Variants in SGCZ observed in about 807,000 individuals in gnomAD.
SGCZ encodes the protein sarcoglycan zeta.
SGCZ carries 40 observed loss-of-function variants against 41.3 expected under a neutral mutation model. That is an observed-to-expected ratio of 0.97 (90% confidence interval 0.75 to 1.26). The LOEUF (loss-of-function observed/expected upper bound fraction) is 1.26, where lower values mean the gene tolerates loss of function less well. Among genes scored for constraint, SGCZ ranks in the 50% most tolerant of loss-of-function variants. SGCZ has a pLI of 0.00. For synonymous variants in SGCZ, 206 were observed against 137.5 expected (o/e 1.50, Z -3.49); for missense variants, 552 against 369.8 (o/e 1.49, Z -4.04).
chr8:15,098,991 G>A (rs1042381686), intron 1 of SGCZ, among the ~76,000 whole-genome samples: 3 of 152,176 alleles, frequency 2.0e-5, no homozygotes, highest in Admixed American at 2.0e-4. Context: ...CTGGGAGACG[G>A]AGGTTGTACT....
intron 3 of SGCZ, among the ~76,000 whole-genome samples, chr8:14,284,637 C>A (rs1050371463): frequency 6.6e-6 from 1 of 151,992 alleles, no homozygotes; most frequent in Non-Finnish European, 1.5e-5. Flanking sequence ...AAGTTTAAGC[C>A]TGTCTTCTTA....
chr8:15,082,430 G>A (rs1192403595), intron 1 of SGCZ, among the ~76,000 whole-genome samples: 1 of 113,108 alleles, frequency 8.8e-6, no homozygotes, highest in South Asian at 2.8e-4. Context: ...ATATGTGTGT[G>A]TGTATATCTC....
chr8:15,004,376 T>C (rs549577951), intron 1 of SGCZ, among the ~76,000 whole-genome samples: 1 of 152,156 alleles, frequency 6.6e-6, no homozygotes, highest in South Asian at 2.1e-4. Flanking sequence ...CTAGGGTGGA[T>C]ACTAGGTGGG....
intron 1 of SGCZ, among the ~76,000 whole-genome samples, chr8:14,772,369 A>G (rs1800268937): frequency 6.6e-6 from 1 of 152,118 alleles, no homozygotes. Flanking sequence ...TGTATGAAAT[A>G]TAAATATTTT....
chr8:15,003,004 G>A (rs1440571522), intron 1 of SGCZ, among the ~76,000 whole-genome samples: 1 of 152,060 alleles, frequency 6.6e-6, no homozygotes, highest in Non-Finnish European at 1.5e-5. Context: ...TCTCTTGCCT[G>A]TCACCATGTA....
intron 2 of SGCZ, among the ~76,000 whole-genome samples, chr8:14,384,745 T>C (rs1279971069): frequency 1.1e-4 from 17 of 152,062 alleles, no homozygotes. Context: ...GAGACGAGGT[T>C]TTGCCATGTT....
chr8:14,737,429 C>T (rs1302034889), intron 1 of SGCZ, among the ~76,000 whole-genome samples: 3 of 151,976 alleles, frequency 2.0e-5, no homozygotes, highest in Non-Finnish European at 4.4e-5. Flanking sequence ...CACTGAGAAT[C>T]CAAGTTTCTT....
chr8:14,923,557 C>A (rs1357114277), intron 1 of SGCZ, among the ~76,000 whole-genome samples: 1 of 152,098 alleles, frequency 6.6e-6, no homozygotes. Context: ...GTGTCCCTAT[C>A]TGTTCAATTA....
intron 4 of SGCZ, among the ~76,000 whole-genome samples, chr8:14,223,994 C>T (rs550067712): frequency 4.2e-4 from 64 of 152,164 alleles, no homozygotes; most frequent in Middle Eastern, 6.8e-3. Flanking sequence ...GTTTAAGAAA[C>T]GGAGGCACAG....
chr8:14,380,177 AG>A (rs1204259312), intron 2 of SGCZ, among the ~76,000 whole-genome samples: 1 of 152,204 alleles, frequency 6.6e-6, no homozygotes, highest in Non-Finnish European at 1.5e-5. Flanking sequence ...AGCTTTATAT[AG>A]TACTTTAACA....
chr8:14,320,579 C>T lies in SGCZ; in HGVS notation c.336+3524G>A, dbSNP rs534667043. On this transcript the variant is annotated intron_variant, in intron 3 of 7. Coordinates refer to ENST00000382080, the MANE Select transcript of SGCZ (RefSeq NM_139167.4). ...AAAGAATAATTGAACACACAAGGTG[C>T]AGAACTGGTGGAACCAAGAACTGGG... 2.6e-5 allele frequency among the ~76,000 whole-genome samples: 4 copies of T among 152,098 alleles called. No individual in the cohort carries two copies. In the South Asian group the frequency reaches 8.3e-4, roughly 32 times the overall value.
chr8:14,458,471 C>T (rs1800811327), intron 2 of SGCZ, among the ~76,000 whole-genome samples: 1 of 152,054 alleles, frequency 6.6e-6, no homozygotes, highest in South Asian at 2.1e-4. Context: ...GAATGTATTA[C>T]AGATAATGAG....
intron 1 of SGCZ, among the ~76,000 whole-genome samples, chr8:14,882,325 C>T (rs546062310): frequency 5.3e-4 from 81 of 151,496 alleles, no homozygotes; most frequent in South Asian, 2.1e-3. Flanking sequence ...AAATTATATG[C>T]ATTTAAAAAA....
At chr8:14,913,720 T>C (rs1198768326) in intron 1 of SGCZ, among the ~76,000 whole-genome samples, 1 of 152,106 alleles carries the variant, frequency 6.6e-6, no homozygotes, top group Non-Finnish European at 1.5e-5. Context: ...GATAAGATTG[T>C]GTTCATTTAA....
rs2726604 is a variant in SGCZ, at chr8:14,787,520, C to G, written c.40-232594G>C. On this transcript the variant is annotated intron_variant, in intron 1 of 7. Coordinates refer to ENST00000382080, the MANE Select transcript of SGCZ (RefSeq NM_139167.4). ...GTTCAGTGGAATCACTCTTTAAAAA[C>G]AGTAGTAACTGAGTTTTATCCTAAT... Among the ~76,000 whole-genome samples, 399 of 152,120 alleles carry G rather than the reference C, an allele frequency of 2.6e-3. 1 individual carries two copies. The highest frequency in any genetic ancestry group is 8.6e-3 in the African/African-American group (356 of 41,510).
chr8:15,069,639 C>T (rs949335614), intron 1 of SGCZ, among the ~76,000 whole-genome samples: 7 of 152,200 alleles, frequency 4.6e-5, no homozygotes, highest in African/African-American at 7.2e-5. Flanking sequence ...AAAGCACTAT[C>T]TTACTTTTGC....
chr8:14,596,049 A>G (rs1413825135), intron 1 of SGCZ, among the ~76,000 whole-genome samples: 1 of 152,242 alleles, frequency 6.6e-6, no homozygotes, highest in Non-Finnish European at 1.5e-5. Context: ...TGAGAGGAAT[A>G]AAACCTGCCA....
At chr8:14,263,872 C>T (rs865886063) in intron 3 of SGCZ, among the ~76,000 whole-genome samples, 3 of 152,128 alleles carry the variant, frequency 2.0e-5, no homozygotes, top group African/African-American at 4.8e-5. Flanking sequence ...TCTCAGGAAG[C>T]GAGAGGGAAG....
intron 2 of SGCZ, among the ~76,000 whole-genome samples, chr8:14,405,632 G>C (rs1799192071): frequency 6.6e-6 from 1 of 152,116 alleles, no homozygotes; most frequent in African/African-American, 2.4e-5. Flanking sequence ...AAATGTGATG[G>C]AAATGTTGAA....
Sources: gnomAD v4.1 joint callset for allele counts (sites outside exome capture counted in the v4.1 genomes callset) on GRCh38, gnomAD v4.1.1 for gene constraint, MANE v1.5 for transcripts, NCBI Gene and HGNC (gene_info 2026-07-23, HGNC 2026-07-21) for gene names.